The following ADAMTSL3 variants were observed in gnomAD, a reference collection of about 807,000 sequenced individuals.
ADAMTSL3 encodes ADAMTS like 3, also known as ADAMTS-like protein 3.
ADAMTSL3 carries 128 observed loss-of-function variants against 201.7 expected under a neutral mutation model. The observed-to-expected ratio is 0.63, with a 90% confidence interval of 0.55 to 0.73. The LOEUF (loss-of-function observed/expected upper bound fraction) is 0.73. Among genes scored for constraint, ADAMTSL3 ranks in the 30% least tolerant of loss-of-function variants. ADAMTSL3 has a pLI of 0.00. For synonymous variants in ADAMTSL3, 738 were observed against 748.4 expected, an observed-to-expected ratio of 0.99 and a Z score of 0.23; for missense variants, 1,990 against 2,119.6, an observed-to-expected ratio of 0.94 and a Z score of 1.20.
chr15:83,828,135 G>A (rs529342111), intron 6 of ADAMTSL3, among the ~76,000 whole-genome samples: 17 of 152,230 alleles, frequency 1.1e-4, no homozygotes, highest in South Asian at 6.2e-4. Flanking sequence ...CCATTTTCAC[G>A]ATATTGATTC....
chr15:84,011,817 A>G (rs1249872154), intron 23 of ADAMTSL3, among the ~76,000 whole-genome samples: 5 of 152,238 alleles, frequency 3.3e-5, no homozygotes, highest in Non-Finnish European at 7.3e-5. Flanking sequence ...CAACTATGAA[A>G]TACATTTTTT....
chr15:83,902,354 T>TC (rs1361239134), intron 15 of ADAMTSL3, among the ~76,000 whole-genome samples: 1 of 152,204 alleles, frequency 6.6e-6, no homozygotes, highest in African/African-American at 2.4e-5. Flanking sequence ...CACTGCAACC[T>TC]CCGCCTTCCG....
At position 84,021,473 on chromosome 15, in the gene ADAMTSL3, G is replaced by A. The variant is rs141060865; in HGVS notation, c.4337G>A (p.Arg1446His). 31 of 1,614,086 alleles carry A rather than the reference G, an allele frequency of 1.9e-5. No individual in the cohort carries two copies. In the African/African-American group the frequency reaches 2.7e-4, roughly 14 times the overall value. Residue 1446 changes from arginine (R) to histidine (H), a missense_variant, in exon 26 of 30, where the codon CGC (arginine) becomes CAC (histidine). Coordinates refer to ENST00000286744, the MANE Select transcript of ADAMTSL3 (RefSeq NM_207517.3). ...GCCACCTGTGGTCATTTGGGAGCCC[G>A]CATTCAGAGACCCCAGTGTGTGATG... ...CSATCGHLGA[R>H]IQRPQCVMAN... is the part of the protein sequence containing the mutation.
rs775256027 is a variant in ADAMTSL3, at chr15:83,942,746, G to A, written c.2268G>A (p.Gln756=). ...EKPHALQACN[Q]FDCPPGWHIE... ...CCCATGCTTTACAAGCATGCAATCA[G>A]TTTGACTGCCCTCCTGGCTGGCACA... The change falls in exon 18 of 30, where the codon CAG becomes CAA. Residue 756 remains glutamine, a synonymous_variant. Transcript: ENST00000286744. 1.2e-6 allele frequency: 2 copies of A among 1,613,986 alleles called. No individual in the cohort carries two copies. Among genetic ancestry groups the A allele is most frequent in the East Asian group, 2.2e-5 (1 of 44,802 alleles).
In ADAMTSL3 at chr15:83,781,810, A is replaced by C. The variant is rs150253175; in HGVS notation, c.317+8160A>C. On this transcript the variant is annotated intron_variant, in intron 4 of 29. Coordinates refer to ENST00000286744, the MANE Select transcript of ADAMTSL3 (RefSeq NM_207517.3). ...TCAAGAGAAGACGTGGCCAAAAGTCATACGAGAAAAAAGCTCATAATTGAT... is the reference window on the plus strand; with the variant it reads ...TCAAGAGAAGACGTGGCCAAAAGTCCTACGAGAAAAAAGCTCATAATTGAT... Among the ~76,000 whole-genome samples the C allele has an allele frequency of 1.4e-3, 209 of 152,368 alleles. 1 individual carries two copies. The highest frequency in any genetic ancestry group is 2.9e-4 in the Non-Finnish European group (20 of 68,030).
chr15:83,688,405 T>C (rs1344507064), intron 2 of ADAMTSL3, among the ~76,000 whole-genome samples: 2 of 152,200 alleles, frequency 1.3e-5, no homozygotes, highest in Non-Finnish European at 2.9e-5. Context: ...GGAAGCCAGA[T>C]GTTGGACATA....
chr15:83,842,355 A>G (rs2064397883), intron 7 of ADAMTSL3, among the ~76,000 whole-genome samples: 1 of 152,034 alleles, frequency 6.6e-6, no homozygotes, highest in Non-Finnish European at 1.5e-5. Context: ...GCTAAGCTGA[A>G]AGAGCACACT....
At chr15:83,701,355 T>C (rs1203879068) in intron 2 of ADAMTSL3, among the ~76,000 whole-genome samples, 1 of 152,174 alleles carries the variant, frequency 6.6e-6, no homozygotes, top group Admixed American at 6.5e-5. Context: ...GATAGTGTGA[T>C]GGTAGCAAGT....
chr15:83,702,590 G>C (rs992686760), intron 2 of ADAMTSL3, among the ~76,000 whole-genome samples: 2 of 152,122 alleles, frequency 1.3e-5, no homozygotes, highest in African/African-American at 4.8e-5. Context: ...TGTAGAGCTC[G>C]GGCTGTGGCT....
chr15:83,914,496 A>C (rs2141964229), intron 16 of ADAMTSL3, among the ~76,000 whole-genome samples: 1 of 152,340 alleles, frequency 6.6e-6, no homozygotes, highest in East Asian at 1.9e-4. Flanking sequence ...CTAGCCTGGC[A>C]GTAAACCCGG....
chr15:83,803,201 G>A (rs1310002694), intron 4 of ADAMTSL3, among the ~76,000 whole-genome samples: 1 of 152,084 alleles, frequency 6.6e-6, no homozygotes, highest in South Asian at 2.1e-4. Flanking sequence ...ATTGGTGATA[G>A]GATTTTGAGT....
At chr15:83,922,436 T>A (rs1275065710) in intron 16 of ADAMTSL3, among the ~76,000 whole-genome samples, 1 of 152,226 alleles carries the variant, frequency 6.6e-6, no homozygotes, top group Non-Finnish European at 1.5e-5. Flanking sequence ...CTAGAGAATT[T>A]CTGTTATAAA....
At chr15:83,677,826 T>A (rs1038659714) in intron 2 of ADAMTSL3, among the ~76,000 whole-genome samples, 4 of 152,088 alleles carry the variant, frequency 2.6e-5, no homozygotes, top group African/African-American at 9.7e-5. Context: ...ACTTATTTTG[T>A]CTTTAGTCTC....
chr15:83,955,079 C>A (rs572228268), intron 19 of ADAMTSL3, among the ~76,000 whole-genome samples: 1 of 152,356 alleles, frequency 6.6e-6, no homozygotes, highest in African/African-American at 2.4e-5. Flanking sequence ...TCCTTCCCTT[C>A]AGGCTTATGT....
chr15:83,723,555 C>A (rs994390574), intron 3 of ADAMTSL3, among the ~76,000 whole-genome samples: 2 of 151,944 alleles, frequency 1.3e-5, no homozygotes, highest in African/African-American at 4.8e-5. Context: ...AATGTTAAAC[C>A]GTAGGGGAAT....
At chr15:83,671,376 A>G (rs2061327246) in intron 2 of ADAMTSL3, among the ~76,000 whole-genome samples, 1 of 152,192 alleles carries the variant, frequency 6.6e-6, no homozygotes, top group Non-Finnish European at 1.5e-5. Context: ...CAGATTCTTT[A>G]ATCCAATTTG....
chr15:83,982,647 G>T lies in ADAMTSL3; in HGVS notation c.3019G>T (p.Ala1007Ser). Residue 1007 changes from alanine to serine, a missense_variant, in exon 21 of 30, where the codon GCC becomes TCC. Physicochemically the swap from Ala to Ser is moderately conservative, Grantham distance 99 (BLOSUM62 1). Transcript: ENST00000286744. ...GTDNRLIARP[A>S]LREPMREYPG... is the part of the protein sequence containing the mutation. ...TGACAACCGGCTCATCGCACGCCCAGCCCTCAGGGAGCCTATGAGGGAATA... is the reference window on the plus strand; with the variant it reads ...TGACAACCGGCTCATCGCACGCCCATCCCTCAGGGAGCCTATGAGGGAATA... The T allele has an allele frequency of 6.2e-7, 1 of 1,614,158 alleles. No individual in the cohort carries two copies. The highest frequency in any genetic ancestry group is 1.1e-5 in the South Asian group (1 of 91,080).
intron 1 of ADAMTSL3, among the ~76,000 whole-genome samples, chr15:83,655,184 C>T (rs2061061437): frequency 6.6e-6 from 1 of 152,190 alleles, no homozygotes; most frequent in South Asian, 2.1e-4. Context: ...GAACTTAGCT[C>T]TCAGGCGTCT....
chr15:83,674,003 G>A (rs1435008844), intron 2 of ADAMTSL3, among the ~76,000 whole-genome samples: 1 of 150,410 alleles, frequency 6.6e-6, no homozygotes, highest in Admixed American at 6.6e-5. Flanking sequence ...CTCCCAGTAT[G>A]TAGCTTGATT....
Sources: allele counts gnomAD v4.1 joint callset (sites outside exome capture counted in the v4.1 genomes callset), GRCh38; gene constraint gnomAD v4.1.1; transcripts MANE v1.5; gene names NCBI Gene and HGNC (gene_info 2026-07-23, HGNC 2026-07-21).